Variants in PARD3B observed in about 807,000 individuals in gnomAD.
PARD3B encodes par-3 family cell polarity regulator beta.
PARD3B carries 103 observed loss-of-function variants against 130.2 expected under a neutral mutation model. The ratio of observed to expected loss-of-function variants is 0.79; its 90% CI spans 0.67 to 0.93. PARD3B has a LOEUF of 0.93. Ranked by LOEUF, PARD3B falls within the 40% of genes least tolerant of loss-of-function variation. The pLI is 0.00. For missense variants in PARD3B, 1,609 were observed against 1,499.2 expected (o/e 1.07, Z -1.21); for synonymous variants, 583 against 553.2 (o/e 1.05, Z -0.76).
intron 13 of PARD3B, among the ~76,000 whole-genome samples, chr2:205,185,251 C>A (rs1389937463): frequency 6.7e-6 from 1 of 148,416 alleles, no homozygotes. Flanking sequence ...AAAGAGCGCA[C>A]GTTTGTGTGT....
At chr2:205,219,852 A>C (rs996756536) in intron 15 of PARD3B, among the ~76,000 whole-genome samples, 1 of 152,164 alleles carries the variant, frequency 6.6e-6, no homozygotes, top group Admixed American at 6.5e-5. Context: ...CCACAGGCAA[A>C]AGTGCCATGA....
rs1047445596 is a variant in PARD3B, at chr2:205,397,914, T to C, written c.2631-3099T>C. On this transcript the variant is annotated intron_variant, in intron 18 of 22. Transcript: ENST00000406610. The surrounding 1 kb of genome is among the most constrained non-coding windows in gnomAD (Gnocchi z 4.8). Reference sequence around the variant, plus strand: ...TGCATGGGTCTGGAATGCTAAAGAATGTATTCATGAAAACATTATTTAGCT... The same window carrying C: ...TGCATGGGTCTGGAATGCTAAAGAACGTATTCATGAAAACATTATTTAGCT... Among the ~76,000 whole-genome samples, 1 of 152,178 alleles carries C rather than the reference T, an allele frequency of 6.6e-6. No homozygotes were observed. Among genetic ancestry groups the C allele is most frequent in the Non-Finnish European group, 1.5e-5 (1 of 68,032 alleles).
chr2:204,705,692 A>AT (rs2038108909), intron 2 of PARD3B, among the ~76,000 whole-genome samples: 1 of 152,216 alleles, frequency 6.6e-6, no homozygotes, highest in Non-Finnish European at 1.5e-5. Context: ...AGGAGAAAAG[A>AT]TAAAAATGTG....
intron 4 of PARD3B, among the ~76,000 whole-genome samples, chr2:205,073,625 A>G (rs575548191): frequency 6.6e-6 from 1 of 152,178 alleles, no homozygotes; most frequent in Non-Finnish European, 1.5e-5. Flanking sequence ...TTCTTTGTAC[A>G]AAGTAGGATA....
chr2:204,836,615 C>T (rs1013224489), intron 2 of PARD3B, among the ~76,000 whole-genome samples: 1 of 152,116 alleles, frequency 6.6e-6, no homozygotes, highest in African/African-American at 2.4e-5. Flanking sequence ...GCGCCAAGAT[C>T]GTGCCACTGC....
chr2:205,023,504 ATTTATT>A (rs1232187682), intron 3 of PARD3B, among the ~76,000 whole-genome samples: 94 of 58,534 alleles, frequency 1.6e-3, no homozygotes, highest in African/African-American at 6.4e-3. Context: ...AAATGTATGT[ATTTATT>A]TTTATTTTTA....
chr2:205,356,952 A>G (rs1004355305), intron 18 of PARD3B, among the ~76,000 whole-genome samples: 6 of 152,032 alleles, frequency 3.9e-5, no homozygotes, highest in African/African-American at 1.4e-4. Flanking sequence ...AACACAAGGA[A>G]ACTTTTGGGG....
At chr2:204,884,133 A>G (rs2046184093) in intron 2 of PARD3B, among the ~76,000 whole-genome samples, 1 of 152,202 alleles carries the variant, frequency 6.6e-6, no homozygotes, top group South Asian at 2.1e-4. Flanking sequence ...AGGGAGTAGC[A>G]GAAAGATGAT....
intron 5 of PARD3B, among the ~76,000 whole-genome samples, chr2:205,110,874 T>TA (rs1312923612): frequency 6.6e-6 from 1 of 152,136 alleles, no homozygotes; most frequent in East Asian, 1.9e-4. Flanking sequence ...CATGTCTTTG[T>TA]AAAATCTCAC....
intron 2 of PARD3B, among the ~76,000 whole-genome samples, chr2:204,774,994 A>G (rs969737557): frequency 3.3e-5 from 5 of 152,114 alleles, no homozygotes; most frequent in African/African-American, 1.2e-4. Context: ...AATGTTCTCT[A>G]TATGTCTAAA....
chr2:204,965,416 G>C (rs972917467), intron 3 of PARD3B, 93 bp downstream of exon 3: 1 of 1,287,418 alleles, frequency 7.8e-7, no homozygotes, highest in African/African-American at 1.5e-5. Context: ...CTTTCATCCT[G>C]TTAATATTTT....
chr2:205,151,996 A>T (rs2033792213), intron 10 of PARD3B, among the ~76,000 whole-genome samples: 1 of 152,090 alleles, frequency 6.6e-6, no homozygotes, highest in Non-Finnish European at 1.5e-5. Flanking sequence ...TCCGTAAAGG[A>T]TTTTATTTCT....
intron 2 of PARD3B, among the ~76,000 whole-genome samples, chr2:204,884,338 G>A (rs1405603316): frequency 6.6e-6 from 1 of 152,174 alleles, no homozygotes; most frequent in Non-Finnish European, 1.5e-5. Context: ...AAATAGAATA[G>A]TGTGTTTATA....
intron 2 of PARD3B, among the ~76,000 whole-genome samples, chr2:204,947,692 C>T (rs1287436686): frequency 6.6e-6 from 1 of 151,838 alleles, no homozygotes; most frequent in African/African-American, 2.4e-5. Context: ...GATGGCTTAT[C>T]TACAGTCTGA....
rs977153381 is a variant in PARD3B, at chr2:204,685,992, T to C, written c.121-189T>C. Among the ~76,000 whole-genome samples, 3 of 152,226 alleles carry C rather than the reference T, an allele frequency of 2.0e-5. 1 individual carries two copies. Among genetic ancestry groups the C allele is most frequent in the Non-Finnish European group, 4.4e-5 (3 of 68,034 alleles). The stretch of plus-strand genomic sequence containing the variant: ...AAATATGTATACCTTGATTCTCCGA[T>C]TTAAGTTAAACAGGATAAAAATGCC... On this transcript the variant is annotated intron_variant, in intron 1 of 22. Coordinates refer to ENST00000406610, the MANE Select transcript of PARD3B (RefSeq NM_001302769.2).
chr2:205,363,556 A>G (rs905756396), intron 18 of PARD3B, among the ~76,000 whole-genome samples: 1 of 152,212 alleles, frequency 6.6e-6, no homozygotes, highest in African/African-American at 2.4e-5. Flanking sequence ...GTATAATTGA[A>G]TAAGACCAGA....
chr2:205,398,900 A>G (rs895224195), intron 18 of PARD3B, among the ~76,000 whole-genome samples: 1 of 152,166 alleles, frequency 6.6e-6, no homozygotes, highest in African/African-American at 2.4e-5. Context: ...TCATGTGAGG[A>G]GACTCTGATT....
intron 15 of PARD3B, among the ~76,000 whole-genome samples, chr2:205,243,121 G>T (rs1490785539): frequency 6.6e-6 from 1 of 151,938 alleles, no homozygotes; most frequent in Non-Finnish European, 1.5e-5. Flanking sequence ...AGACGAGATC[G>T]TGCCATTGCA....
intron 20 of PARD3B, among the ~76,000 whole-genome samples, chr2:205,468,115 C>G (rs1002621792): frequency 6.6e-6 from 1 of 152,192 alleles, no homozygotes; most frequent in Non-Finnish European, 1.5e-5. Context: ...AAACAATGAT[C>G]TAGCTTAGCT....
Sources: gnomAD v4.1 joint callset for allele counts (sites outside exome capture counted in the v4.1 genomes callset) on GRCh38, gnomAD v4.1.1 for gene constraint, Gnocchi (gnomAD v3.1) non-coding constraint, MANE v1.5 for transcripts, NCBI Gene and HGNC (gene_info 2026-07-23, HGNC 2026-07-21) for gene names.